Variants in TNXB observed in about 807,000 individuals in gnomAD.
TNXB encodes tenascin XB.
In TNXB, 183 loss-of-function variants were observed where a neutral mutation model predicts 340.5. The observed-to-expected ratio is 0.54, with a 90% CI of 0.48 to 0.61. TNXB has a LOEUF of 0.61. TNXB is among the 20% of genes least tolerant of loss of function. The probability of loss-of-function intolerance (pLI) is 0.00; values close to 1 mark genes in which losing one functional copy is unlikely to be tolerated. For missense variants in TNXB, 4,613 were observed against 5,446.4 expected (o/e 0.85, Z 4.82); for synonymous variants, 2,121 against 2,314.5 (o/e 0.92, Z 2.40).
At position 32,073,990 on chromosome 6, in the gene TNXB, C is replaced by T; in HGVS notation, c.4376-38G>A. On this transcript the variant is annotated intron_variant, in intron 11 of 43. Coordinates refer to ENST00000644971, the MANE Select transcript of TNXB (RefSeq NM_001365276.2). The surrounding 1 kb of genome is among the most constrained non-coding windows in gnomAD (Gnocchi z 4.6). ...TGGTAGGGGGCTGTTAGTAAAGAAT[C>T]CCCCTTTTCTTATAGTAATGATGTC... 1 of 1,485,598 alleles carries T rather than the reference C, an allele frequency of 6.7e-7. No homozygotes were observed. Among genetic ancestry groups the T allele is most frequent in the Non-Finnish European group, 9.0e-7 (1 of 1,106,104 alleles). 92.0% of individuals were successfully genotyped at this position (1,485,598 alleles called of 1,614,324 possible).
chr6:32,066,501 GA>G (rs761118799), intron 18 of TNXB, among the ~76,000 whole-genome samples: 14 of 152,196 alleles, frequency 9.2e-5, no homozygotes, highest in Non-Finnish European at 1.9e-4. Context: ...CTCAGTGAAA[GA>G]AGCTAGACAC....
chr6:32,070,004 T>C lies in TNXB; in HGVS notation c.5278+123A>G, dbSNP rs1289581757. The C allele has an allele frequency of 7.2e-7, 1 of 1,379,632 alleles. No individual in the cohort carries two copies. The highest frequency in any genetic ancestry group is 1.5e-5 in the African/African-American group (1 of 68,818). The allele number at this position is 1,379,632 out of a possible 1,614,324, so 85.5% of individuals were successfully genotyped here. ...TGTGCTAGGGGCTTGTGCAGGGACG[T>C]GGGGAGCTGGATCTGAGCCGAGTGG... On this transcript the variant is annotated intron_variant, in intron 14 of 43. Transcript: ENST00000644971. This position sits in a 1 kb window ranked among gnomAD's most constrained non-coding sequence, Gnocchi z 6.0.
In TNXB at chr6:32,068,660, G is replaced by A. The variant is rs757950715; in HGVS notation, c.5950C>T (p.Pro1984Ser). The change falls in exon 17 of 44, where the codon CCC becomes TCC. Residue 1984 changes from proline to serine, a missense_variant. By Grantham distance (74) the Pro-to-Ser change is moderately conservative. Coordinates refer to ENST00000644971, the MANE Select transcript of TNXB (RefSeq NM_001365276.2). This position sits in a 1 kb window ranked among gnomAD's most constrained non-coding sequence, Gnocchi z 5.3. The stretch of plus-strand genomic sequence containing the variant: ...TCCCCCAGGCGAGGCTTGATGGGGG[G>A]CTCGGGGGTTGCGGTGGGAGGTTCT... The part of the protein sequence containing the change: ...PSEPPTATPE[P>S]PIKPRLGELT... 1.9e-6 allele frequency: 3 copies of A among 1,613,816 alleles called. No homozygotes were observed. Among genetic ancestry groups the A allele is most frequent in the East Asian group, 2.2e-5 (1 of 44,884 alleles).
rs1272603866 is a variant in TNXB at position 32,048,495 on chromosome 6, C to G, written c.9913G>C (p.Ala3305Pro). Residue 3305 changes from alanine to proline, a missense_variant, in exon 29 of 44, where the codon GCA becomes CCA. This residue lies in a region of TNXB where 4,327 missense variants were observed against 4,859.4 expected (regional missense o/e 0.89). Coordinates refer to ENST00000644971, the MANE Select transcript of TNXB (RefSeq NM_001365276.2). ...CGGAGGTCTCCGCTCACAGGCACTG[C>G]CTGGGGCTGCCCCTGCGCGTCCCTG... ...QYRDAQGQPQAVPVSGDLRAV... is the reference protein window; with the variant it reads ...QYRDAQGQPQPVPVSGDLRAV... The G allele has an allele frequency of 6.2e-7, 1 of 1,602,734 alleles. No homozygotes were observed. Among genetic ancestry groups the G allele is most frequent in the Middle Eastern group, 1.7e-4 (1 of 6,038 alleles).
At chr6:32,048,097 C>G in intron 29 of TNXB, 85 bp from the exon 30 acceptor site, 1 of 1,485,116 alleles carries the variant, frequency 6.7e-7, no homozygotes, top group Non-Finnish European at 9.1e-7. Context: ...CTCTGTGAGC[C>G]GGTCCCAGGA....
chr6:32,062,138 G>A lies in TNXB; in HGVS notation c.7168+19C>T. On this transcript the variant is annotated intron_variant, in intron 20 of 43. Coordinates refer to ENST00000644971, the MANE Select transcript of TNXB (RefSeq NM_001365276.2). The surrounding 1 kb of genome is among the most constrained non-coding windows in gnomAD (Gnocchi z 4.3). ...ACCCTCCCATGGCTCCCACCCTGGG[G>A]CTCCCATCGTCCACTCACCTGTCAC... 6.2e-7 allele frequency: 1 copy of A among 1,604,276 alleles called. No homozygotes were observed. The highest frequency in any genetic ancestry group is 1.3e-5 in the African/African-American group (1 of 74,836).
In TNXB at chr6:32,097,616, C is replaced by T. The variant is rs961992616; in HGVS notation, c.404-167G>A. 1.1e-5 allele frequency: 12 copies of T among 1,095,008 alleles called. No individual in the cohort carries two copies. In the South Asian group the frequency reaches 1.5e-4, roughly 14 times the overall value. The allele number at this position is 1,095,008 out of a possible 1,614,324, so 67.8% of individuals were successfully genotyped here. On this transcript the variant is annotated intron_variant, in intron 2 of 43. Transcript: ENST00000644971. This position sits in a 1 kb window ranked among gnomAD's most constrained non-coding sequence, Gnocchi z 5.9. ...AATGTATGCAGCCTCTCAGGGCCCT[C>T]GCATATGCTTTGGTTGACATGTAGC...
At chr6:32,065,769 C>T (rs1223390645) in intron 18 of TNXB, among the ~76,000 whole-genome samples, 4 of 152,032 alleles carry the variant, frequency 2.6e-5, no homozygotes, top group East Asian at 1.9e-4. Flanking sequence ...ACTACAGGCA[C>T]GTGCCACCAC....
chr6:32,067,250 C>T lies in TNXB; in HGVS notation c.6544+411G>A, dbSNP rs572782596. Among the ~76,000 whole-genome samples the T allele has an allele frequency of 7.2e-5, 11 of 152,032 alleles. No individual in the cohort carries two copies. The highest frequency in any genetic ancestry group is 3.9e-4 in the Admixed American group (6 of 15,268). ...GAGATGAGCCAGACTGGCCAGAAGT[C>T]GATATTTGATTGAAGGAGGATGGCA... On this transcript the variant is annotated intron_variant, in intron 18 of 43. Coordinates refer to ENST00000644971, the MANE Select transcript of TNXB (RefSeq NM_001365276.2). This position sits in a 1 kb window ranked among gnomAD's most constrained non-coding sequence, Gnocchi z 4.2.
intron 1 of TNXB, among the ~76,000 whole-genome samples, chr6:32,104,088 T>C (rs1291781006): frequency 6.6e-6 from 1 of 152,158 alleles, no homozygotes; most frequent in Non-Finnish European, 1.5e-5. Context: ...AGGAGGGATA[T>C]GAGGCTCTGC....
In TNXB at chr6:32,068,239, A is replaced by C; in HGVS notation, c.6220+151T>G. On this transcript the variant is annotated intron_variant, in intron 17 of 43. Transcript: ENST00000644971. This position sits in a 1 kb window ranked among gnomAD's most constrained non-coding sequence, Gnocchi z 5.3. ...TCAGGAGGAGCCAGTGGTCAACCTC[A>C]CAGGAAGGCCCAAGGGGAGCCCCAG... 1 of 1,260,386 alleles carries C rather than the reference A, an allele frequency of 7.9e-7. No homozygotes were observed. The highest frequency in any genetic ancestry group is 1.1e-6 in the Non-Finnish European group (1 of 922,532). 78.1% of individuals were successfully genotyped at this position (1,260,386 alleles called of 1,614,324 possible).
Position 32,042,601 on chromosome 6 carries a change from G to T in TNXB, c.12064C>A (p.Leu4022Met), listed in dbSNP as rs769172135. The change falls in exon 40 of 44, where the codon CTG becomes ATG. Residue 4022 changes from leucine (L) to methionine (M), a missense_variant. This residue lies in a region of TNXB where 121 missense variants were observed against 177.4 expected (regional missense o/e 0.68). Coordinates refer to ENST00000644971, the MANE Select transcript of TNXB (RefSeq NM_001365276.2). ...PVSTSFTTGG[L>M]RIPFPRDCGE... ...CAGTCCCTGGGGAAGGGGATCCGCA[G>T]CCCACCTGGGAGAGGAGAGCAGGGG... The T allele has an allele frequency of 6.4e-7, 1 of 1,566,252 alleles. No individual in the cohort carries two copies.
chr6:32,058,122 C>G lies in TNXB; in HGVS notation c.7761G>C (p.Lys2587Asn), dbSNP rs754373450. Residue 2587 changes from lysine to asparagine, a missense_variant, in exon 22 of 44, where the codon AAG (lysine) becomes AAC (asparagine). Physicochemically the swap from Lys to Asn is moderately conservative, Grantham distance 94. Coordinates refer to ENST00000644971, the MANE Select transcript of TNXB (RefSeq NM_001365276.2). This position sits in a 1 kb window ranked among gnomAD's most constrained non-coding sequence, Gnocchi z 5.1. The part of the protein sequence containing the change: ...VRGLEPGRKY[K>N]MHLYGLHEGR... ...CCTCGTGGAGGCCGTACAGGTGCAT[C>G]TTGTACTTGCGCCCAGGCTCCAGGC... The G allele has an allele frequency of 1.2e-6, 2 of 1,612,824 alleles. No homozygotes were observed. Among genetic ancestry groups the G allele is most frequent in the Non-Finnish European group, 8.5e-7 (1 of 1,179,820 alleles).
chr6:32,061,389 C>T lies in TNXB; in HGVS notation c.7492+8G>A, dbSNP rs191329297. On this transcript the variant is annotated splice_region_variant and intron_variant, in intron 21 of 43. Coordinates refer to ENST00000644971, the MANE Select transcript of TNXB (RefSeq NM_001365276.2). This position sits in a 1 kb window ranked among gnomAD's most constrained non-coding sequence, Gnocchi z 4.4. ...GGTGGTTACCCCGAGACTCCAAGCA[C>T]TACTCACCAGTCACGCCCACGGTGG... 874 of 1,611,196 alleles carry T rather than the reference C, an allele frequency of 5.4e-4. 6 individuals carry two copies. The East Asian group carries it at 0.019, about 34-fold the overall frequency.
At position 32,069,975 on chromosome 6, in the gene TNXB, G is replaced by A. The variant is rs1276359653; in HGVS notation, c.5279-114C>T. On this transcript the variant is annotated intron_variant, in intron 14 of 43. Coordinates refer to ENST00000644971, the MANE Select transcript of TNXB (RefSeq NM_001365276.2). This position sits in a 1 kb window ranked among gnomAD's most constrained non-coding sequence, Gnocchi z 6.2. ...GGGCTTTGCGTGGCTGAGTCCTGCCGGGCTGTGCTAGGGGCTTGTGCAGGG... is the reference window on the plus strand; with the variant it reads ...GGGCTTTGCGTGGCTGAGTCCTGCCAGGCTGTGCTAGGGGCTTGTGCAGGG... 6 of 1,376,302 alleles carry A rather than the reference G, an allele frequency of 4.4e-6. No homozygotes were observed. Among genetic ancestry groups the A allele is most frequent in the Middle Eastern group, 1.9e-4 (1 of 5,274 alleles). 85.3% of individuals were successfully genotyped at this position (1,376,302 alleles called of 1,614,324 possible).
chr6:32,098,287 G>C (rs1348690242), intron 1 of TNXB, 81 bp from the exon 2 acceptor site: 1 of 1,187,182 alleles, frequency 8.4e-7, no homozygotes, highest in Non-Finnish European at 1.1e-6. Flanking sequence ...ACATACCCAC[G>C]GTCCCACCAC....
chr6:32,082,232 A>C lies in TNXB; in HGVS notation c.3540T>G (p.Thr1180=). Residue 1180 remains threonine (T), a synonymous_variant, in exon 9 of 44, where the codon ACT becomes ACG. Transcript: ENST00000644971. This position sits in a 1 kb window ranked among gnomAD's most constrained non-coding sequence, Gnocchi z 5.0. ...PTPDSLHLSW[T]VPEGQFDTFM... ...AGGTGTCAAACTGGCCCTCAGGGAC[A>C]GTCCAGGAGAGGTGCAGTGAATCTG... 6.2e-7 allele frequency: 1 copy of C among 1,610,596 alleles called. No individual in the cohort carries two copies. The highest frequency in any genetic ancestry group is 1.1e-5 in the South Asian group (1 of 90,664).
In TNXB at chr6:32,058,270, A is replaced by G. The variant is rs1777798686; in HGVS notation, c.7613T>C (p.Leu2538Pro). The change falls in exon 22 of 44, where the codon CTG becomes CCG. Residue 2538 changes from leucine to proline, a missense_variant. Physicochemically the swap from Leu to Pro is moderately conservative, Grantham distance 98. Transcript: ENST00000644971. This position sits in a 1 kb window ranked among gnomAD's most constrained non-coding sequence, Gnocchi z 5.1. ...CTGGGGGACGGTCCAGGAAAGGCTC[A>G]GCGAGTCAGGGGAGGATCCTGTCAC... The part of the protein sequence containing the change: ...LTVTGSSPDS[L>P]SLSWTVPQGR... 2 of 1,612,394 alleles carry G rather than the reference A, an allele frequency of 1.2e-6. No individual in the cohort carries two copies. The highest frequency in any genetic ancestry group is 1.7e-6 in the Non-Finnish European group (2 of 1,179,850).
chr6:32,091,231 C>T (rs1193215570), intron 4 of TNXB, among the ~76,000 whole-genome samples: 2 of 152,098 alleles, frequency 1.3e-5, no homozygotes, highest in Admixed American at 6.6e-5. Flanking sequence ...CTGCCTCAGC[C>T]TCCCGAGTAG....
Sources: gnomAD v4.1 joint callset for allele counts (sites outside exome capture counted in the v4.1 genomes callset) on GRCh38, gnomAD v4.1.1 for gene constraint, gnomAD v4.1.1 regional missense constraint, Gnocchi (gnomAD v3.1) non-coding constraint, MANE v1.5 for transcripts, NCBI Gene and HGNC (gene_info 2026-07-23, HGNC 2026-07-21) for gene names.